TFPI: variants seen among roughly 807,000 people sequenced by gnomAD.
TFPI encodes anti-convertin.
A neutral mutation model predicts 34.6 loss-of-function variants in TFPI; 15 were observed. The ratio of observed to expected loss-of-function variants is 0.43; its 90% CI spans 0.29 to 0.67. TFPI has a LOEUF of 0.67. Among genes scored for constraint, TFPI ranks in the 30% least tolerant of loss-of-function variants. The pLI, the probability that TFPI is intolerant of heterozygous loss-of-function variation, is 0.15. For synonymous variants in TFPI, 105 were observed against 120.1 expected (o/e 0.87, Z 0.82); for missense variants, 301 against 364.0 (o/e 0.83, Z 1.41).
intron 1 of TFPI, among the ~76,000 whole-genome samples, chr2:187,534,916 A>G (rs189070207): frequency 8.9e-4 from 135 of 152,176 alleles, no homozygotes; most frequent in East Asian, 7.7e-3. Context: ...TAAAAAAATA[A>G]AAAAAATCAG....
chr2:187,525,687 A>G (rs1321200286), intron 1 of TFPI, among the ~76,000 whole-genome samples: 1 of 152,150 alleles, frequency 6.6e-6, no homozygotes, highest in Non-Finnish European at 1.5e-5. Flanking sequence ...TCCTAATCCA[A>G]TATGACTGGT....
At chr2:187,484,781 GA>G in intron 5 of TFPI, 29 bp downstream of exon 5, 1 of 1,552,718 alleles carries the variant, frequency 6.4e-7, no homozygotes, top group Middle Eastern at 1.7e-4. Flanking sequence ...GCCTATAAAT[GA>G]ACTAAAATGA....
intron 6 of TFPI, among the ~76,000 whole-genome samples, chr2:187,470,707 G>C (rs1691982335): frequency 2.0e-5 from 3 of 152,198 alleles, no homozygotes; most frequent in East Asian, 3.9e-4. Flanking sequence ...CAGGGGATTG[G>C]TTTGAGAGCA....
At chr2:187,482,769 G>A (rs1204116074) in intron 6 of TFPI, among the ~76,000 whole-genome samples, 1 of 151,832 alleles carries the variant, frequency 6.6e-6, no homozygotes, top group African/African-American at 2.4e-5. Flanking sequence ...TCATGCTTAG[G>A]CTGGGTTGAG....
intron 3 of TFPI, among the ~76,000 whole-genome samples, 162 bp downstream of exon 3, chr2:187,496,719 A>T (rs181997288): frequency 6.6e-6 from 1 of 152,174 alleles, no homozygotes; most frequent in African/African-American, 2.4e-5. Flanking sequence ...ATTTTCCTTA[A>T]ATGTTTTTAG....
intron 6 of TFPI, chr2:187,483,811 T>C (rs1377400705): frequency 6.3e-6 from 2 of 317,974 alleles, no homozygotes; most frequent in Non-Finnish European, 1.2e-5. Context: ...CATCTTACAC[T>C]GAGGCTGATA....
chr2:187,530,662 C>A (rs991420384), intron 1 of TFPI, among the ~76,000 whole-genome samples: 10 of 152,120 alleles, frequency 6.6e-5, no homozygotes, highest in Non-Finnish European at 5.9e-5. Flanking sequence ...ATCACTGTAC[C>A]TCTTCCTGTG....
chr2:187,490,592 C>T (rs1685053138), intron 3 of TFPI, among the ~76,000 whole-genome samples: 1 of 151,444 alleles, frequency 6.6e-6, no homozygotes, highest in Non-Finnish European at 1.5e-5. Context: ...CACTTTTAAT[C>T]TCTCTGTCCT....
chr2:187,496,857 T>TA, intron 3 of TFPI, 24 bp downstream of exon 3: 1 of 1,609,494 alleles, frequency 6.2e-7, no homozygotes, highest in Admixed American at 1.7e-5. Context: ...GGGTCTTGAG[T>TA]AATAAGGGTT....
At chr2:187,519,341 G>A (rs552271023) in intron 1 of TFPI, 52 of 153,856 alleles carry the variant, frequency 3.4e-4, no homozygotes, top group Middle Eastern at 6.5e-3. Context: ...TGTCCTTTTC[G>A]TTGATGTTGA....
intron 6 of TFPI, 63 bp downstream of exon 6, chr2:187,484,061 A>G (rs1043879780): frequency 2.2e-6 from 3 of 1,345,854 alleles, no homozygotes; most frequent in Non-Finnish European, 3.2e-6. Context: ...CTAATACACA[A>G]TCCACTTCAT....
chr2:187,510,948 T>G (rs1355937079), intron 1 of TFPI, among the ~76,000 whole-genome samples: 2 of 152,178 alleles, frequency 1.3e-5, no homozygotes, highest in Non-Finnish European at 2.9e-5. Flanking sequence ...CTTGTTCTGC[T>G]ACATTTCTTG....
chr2:187,550,252 C>T (rs1689048542), intron 1 of TFPI, among the ~76,000 whole-genome samples: 1 of 152,078 alleles, frequency 6.6e-6, no homozygotes, highest in African/African-American at 2.4e-5. Flanking sequence ...TGAAGCACCA[C>T]CTAAAAGGGT....
chr2:187,484,735 A>C, intron 5 of TFPI, 76 bp downstream of exon 5: 1 of 1,359,350 alleles, frequency 7.4e-7, no homozygotes, highest in Non-Finnish European at 1.0e-6. Flanking sequence ...ACCTGAGTAT[A>C]GAATGCCATC....
chr2:187,550,127 G>A (rs911904003), intron 1 of TFPI, among the ~76,000 whole-genome samples: 2 of 152,054 alleles, frequency 1.3e-5, no homozygotes, highest in South Asian at 2.1e-4. Flanking sequence ...AGTACCGAAC[G>A]TCAGAGAGGA....
intron 3 of TFPI, among the ~76,000 whole-genome samples, chr2:187,496,605 C>A (rs1685497122): frequency 6.6e-6 from 1 of 151,974 alleles, no homozygotes; most frequent in African/African-American, 2.4e-5. Context: ...TGCAAGTTGA[C>A]CGTACCTAAA....
Position 187,466,364 on chromosome 2 carries a change from T to C in TFPI, c.*572A>G, listed in dbSNP as rs1398374757. ...GTTGACTGTTCAAAGACAGTTTAGCTCAATATAGATGGAAGTACTGGTTAG... is the reference window on the plus strand; with the variant it reads ...GTTGACTGTTCAAAGACAGTTTAGCCCAATATAGATGGAAGTACTGGTTAG... On this transcript the variant is annotated 3_prime_UTR_variant, in exon 8 of 8. Transcript: ENST00000233156. The C allele has an allele frequency of 2.0e-5, 3 of 151,892 alleles. No homozygotes were observed. The highest frequency in any genetic ancestry group is 2.1e-4 in the South Asian group (1 of 4,812). The allele number at this position is 151,892 out of a possible 1,614,324, so 9.4% of individuals were successfully genotyped here.
At chr2:187,503,824 T>C in intron 1 of TFPI, 54 bp from the exon 2 acceptor site, 1 of 1,588,674 alleles carries the variant, frequency 6.3e-7, no homozygotes, top group Non-Finnish European at 8.6e-7. Context: ...TATGCACTCA[T>C]TTACAGACTA....
intron 1 of TFPI, among the ~76,000 whole-genome samples, chr2:187,533,089 C>T (rs748258543): frequency 2.6e-4 from 39 of 152,172 alleles, no homozygotes; most frequent in Non-Finnish European, 1.0e-4. Flanking sequence ...ATCAAACTCC[C>T]ATCTCCCTGG....
Sources: gnomAD v4.1 joint callset for allele counts (sites outside exome capture counted in the v4.1 genomes callset) on GRCh38, gnomAD v4.1.1 for gene constraint, MANE v1.5 for transcripts, NCBI Gene and HGNC (gene_info 2026-07-23, HGNC 2026-07-21) for gene names.